The following TRAP1 variants were observed in gnomAD, a reference collection of about 807,000 sequenced individuals.
TRAP1 encodes heat shock protein 75 kDa, mitochondrial.
Under a neutral mutation model 89.1 loss-of-function variants are expected in TRAP1, and 102 were observed. The ratio of observed to expected loss-of-function variants is 1.15; its 90% CI spans 0.98 to 1.35. The LOEUF is 1.35. Among genes scored for constraint, TRAP1 ranks in the 40% most tolerant of loss-of-function variants. The pLI is 0.00. For synonymous variants in TRAP1, 508 were observed against 388.0 expected, an observed-to-expected ratio of 1.31 and a Z score of -3.64; for missense variants, 1,256 against 945.3, an observed-to-expected ratio of 1.33 and a Z score of -4.31.
At chr16:3,707,160 A>T (rs527308314) in intron 1 of TRAP1, among the ~76,000 whole-genome samples, 8 of 151,584 alleles carry the variant, frequency 5.3e-5, no homozygotes, top group East Asian at 1.9e-4. Flanking sequence ...TTGAGTTTTT[A>T]AAAAAAATGA....
intron 17 of TRAP1, 182 bp downstream of exon 17, chr16:3,658,609 GTT>G: frequency 3.2e-6 from 2 of 615,902 alleles, no homozygotes; most frequent in Non-Finnish European, 5.7e-6. Flanking sequence ...GGAGGCAGAG[GTT>G]GTAGTGAGCC....
chr16:3,668,799 G>T (rs1398255946), intron 11 of TRAP1, among the ~76,000 whole-genome samples: 1 of 152,200 alleles, frequency 6.6e-6, no homozygotes, highest in African/African-American at 2.4e-5. Flanking sequence ...ACAACTATGA[G>T]TGAGGACTCA....
intron 17 of TRAP1, chr16:3,658,540 G>A (rs986333909): frequency 2.3e-4 from 133 of 573,446 alleles, no homozygotes; most frequent in Middle Eastern, 9.3e-4. Context: ...AATTAGCCAG[G>A]CGCATGCCTG....
At chr16:3,708,684 C>A (rs969028839) in intron 1 of TRAP1, among the ~76,000 whole-genome samples, 1 of 149,798 alleles carries the variant, frequency 6.7e-6, no homozygotes, top group East Asian at 2.1e-4. Flanking sequence ...GGCATGGTGG[C>A]GCGTGCCTGT....
intron 14 of TRAP1, 23 bp from the exon 15 acceptor site, chr16:3,662,990 G>A: frequency 6.4e-7 from 1 of 1,571,220 alleles, no homozygotes; most frequent in Non-Finnish European, 8.6e-7. Flanking sequence ...AGGCGACAGG[G>A]AGCTCAGGCC....
intron 1 of TRAP1, among the ~76,000 whole-genome samples, chr16:3,706,067 A>G (rs562310281): frequency 6.8e-4 from 102 of 150,422 alleles, no homozygotes; most frequent in African/African-American, 2.4e-3. Flanking sequence ...GCAACCTCCA[A>G]TTCCCAGGGT....
chr16:3,685,689 A>C (rs2051129598), intron 4 of TRAP1, among the ~76,000 whole-genome samples: 2 of 152,382 alleles, frequency 1.3e-5, no homozygotes, highest in South Asian at 4.1e-4. Context: ...GTACATTAAA[A>C]ATAAGATATG....
In TRAP1 at chr16:3,664,329, C is replaced by T. The variant is rs754468778; in HGVS notation, c.1514G>A (p.Arg505His). 8.1e-6 allele frequency: 13 copies of T among 1,612,060 alleles called. No individual in the cohort carries two copies. The highest frequency in any genetic ancestry group is 4.0e-5 in the African/African-American group (3 of 74,808). The change falls in exon 13 of 18, where the codon CGT (arginine) becomes CAT (histidine). Residue 505 changes from arginine to histidine, a missense_variant. Coordinates refer to ENST00000246957, the MANE Select transcript of TRAP1 (RefSeq NM_016292.3). ...RNIYYLCAPN[R>H]HLAEHSPYYE... ...GTAGGGTGAGTGCTCTGCCAGGTGA[C>T]GGTTGGGGGCGCACAGGTAGTAGAT...
chr16:3,678,965 C>T (rs943664446), intron 5 of TRAP1, among the ~76,000 whole-genome samples: 3 of 152,166 alleles, frequency 2.0e-5, no homozygotes, highest in East Asian at 1.9e-4. Flanking sequence ...TCTCACACAG[C>T]GCCGTGATGA....
chr16:3,690,680 G>C, intron 2 of TRAP1, 147 bp downstream of exon 2: 2 of 855,224 alleles, frequency 2.3e-6, no homozygotes, highest in Non-Finnish European at 3.2e-6. Context: ...AGAAATGGAG[G>C]GCGCAGCACT....
rs1264214669 is a variant in TRAP1, at chr16:3,697,971, G to A, written c.89-6986C>T. ...GCCCGGCTAACTTTTGTGTTTTTTTGTTTTTTTGTTTTTCTTTTTTAAGTA... is the reference window on the plus strand; with the variant it reads ...GCCCGGCTAACTTTTGTGTTTTTTTATTTTTTTGTTTTTCTTTTTTAAGTA... On this transcript the variant is annotated intron_variant, in intron 1 of 17. Transcript: ENST00000246957. Among the ~76,000 whole-genome samples, 6 of 151,280 alleles carry A rather than the reference G, an allele frequency of 4.0e-5. No homozygotes were observed. The East Asian group carries it at 1.2e-3, about 30-fold the overall frequency.
chr16:3,713,384 A>G (rs2051557668), intron 1 of TRAP1, among the ~76,000 whole-genome samples: 1 of 152,164 alleles, frequency 6.6e-6, no homozygotes, highest in Non-Finnish European at 1.5e-5. Flanking sequence ...GATGAAACAA[A>G]CTAGCTAGTA....
At chr16:3,678,705 C>T (rs1235053668) in intron 5 of TRAP1, among the ~76,000 whole-genome samples, 1 of 152,174 alleles carries the variant, frequency 6.6e-6, no homozygotes, top group East Asian at 1.9e-4. Context: ...TCGTGATCCA[C>T]CTGCCTCGGC....
At chr16:3,698,882 T>C (rs1462965537) in intron 1 of TRAP1, among the ~76,000 whole-genome samples, 3 of 150,498 alleles carry the variant, frequency 2.0e-5, no homozygotes, top group African/African-American at 7.3e-5. Context: ...CCAGGCCCTG[T>C]CTCAAAAAAA....
At chr16:3,675,200 T>G in intron 8 of TRAP1, 124 bp downstream of exon 8, 1 of 870,632 alleles carries the variant, frequency 1.1e-6, no homozygotes, top group Non-Finnish European at 1.8e-6. Flanking sequence ...AGGTCTCATC[T>G]CCACAGAGCA....
intron 8 of TRAP1, chr16:3,674,717 T>C (rs575269449): frequency 5.1e-6 from 3 of 583,982 alleles, no homozygotes; most frequent in Middle Eastern, 4.7e-4. Flanking sequence ...CAGGACAACA[T>C]GTCAGGAGGA....
intron 17 of TRAP1, 138 bp downstream of exon 17, chr16:3,658,655 G>C: frequency 1.2e-6 from 1 of 847,628 alleles, no homozygotes; most frequent in Non-Finnish European, 1.8e-6. Flanking sequence ...CCTGGCAACA[G>C]AGCAACACTC....
At chr16:3,712,805 G>A (rs952287355) in intron 1 of TRAP1, among the ~76,000 whole-genome samples, 2 of 152,148 alleles carry the variant, frequency 1.3e-5, no homozygotes, top group African/African-American at 2.4e-5. Context: ...TAGTAGAGAC[G>A]GGGTTTCGCC....
intron 16 of TRAP1, 21 bp downstream of exon 16, chr16:3,661,966 G>A: frequency 1.9e-6 from 3 of 1,576,842 alleles, no homozygotes; most frequent in Middle Eastern, 1.7e-4. Flanking sequence ...CAGGCTGGAA[G>A]AGCCAGGAGC....
Sources: gnomAD v4.1 joint callset for allele counts (sites outside exome capture counted in the v4.1 genomes callset) on GRCh38, gnomAD v4.1.1 for gene constraint, MANE v1.5 for transcripts, NCBI Gene and HGNC (gene_info 2026-07-23, HGNC 2026-07-21) for gene names.